The following KHDRBS2 variants were observed in gnomAD, a reference collection of about 807,000 sequenced individuals.
The protein encoded by KHDRBS2 is KH RNA binding domain containing, signal transduction associated 2, also known as KH domain-containing, RNA-binding, signal transduction-associated protein 2.
In KHDRBS2, 26 loss-of-function variants were observed where a neutral mutation model predicts 44.3. That is an observed-to-expected ratio of 0.59 (90% CI 0.43 to 0.81). The LOEUF is 0.81. Among genes scored for constraint, KHDRBS2 ranks in the 40% least tolerant of loss-of-function variants. The pLI is 0.00. For missense variants in KHDRBS2, 476 were observed against 433.1 expected (o/e 1.10, Z -0.88); for synonymous variants, 194 against 151.1 (o/e 1.28, Z -2.08).
At chr6:61,581,633 T>G in the KHDRBS2 span, among the ~76,000 whole-genome samples, 1 of 148,298 alleles carries the variant, frequency 6.7e-6, no homozygotes, top group Admixed American at 6.8e-5. Context: ...ATATACATTA[T>G]ATTTAAATAT....
At chr6:62,275,244 T>C (rs1840738079) in intron 1 of KHDRBS2, among the ~76,000 whole-genome samples, 1 of 152,188 alleles carries the variant, frequency 6.6e-6, no homozygotes, top group African/African-American at 2.4e-5. Flanking sequence ...TTTATCATAC[T>C]GAAGTCCATT....
intron 3 of KHDRBS2, among the ~76,000 whole-genome samples, chr6:61,984,230 G>A (rs535652643): frequency 6.6e-6 from 1 of 152,214 alleles, no homozygotes; most frequent in Admixed American, 6.5e-5. Context: ...GCTATACTAT[G>A]AAGTTAAAAA....
chr6:62,232,110 T>C (rs1832987346), intron 1 of KHDRBS2, among the ~76,000 whole-genome samples: 1 of 152,070 alleles, frequency 6.6e-6, no homozygotes, highest in Non-Finnish European at 1.5e-5. Flanking sequence ...TTGGGAAAAA[T>C]AATATTCTTA....
chr6:62,097,655 T>A (rs1025282909), intron 2 of KHDRBS2, among the ~76,000 whole-genome samples: 6 of 152,092 alleles, frequency 3.9e-5, no homozygotes, highest in African/African-American at 1.4e-4. Context: ...TATTTGGATC[T>A]TGTTTTTTCA....
At chr6:62,273,903 C>G (rs991296769) in intron 1 of KHDRBS2, among the ~76,000 whole-genome samples, 2 of 152,092 alleles carry the variant, frequency 1.3e-5, no homozygotes, top group Non-Finnish European at 2.9e-5. Context: ...TTCAGCCCCT[C>G]TATCCAACCC....
At chr6:61,778,890 G>T (rs9452029) in intron 6 of KHDRBS2, among the ~76,000 whole-genome samples, 4,608 of 152,230 alleles carry the variant, frequency 0.03, 248 homozygotes, top group African/African-American at 0.11. Context: ...TGCTTCTGTA[G>T]CCTTATCTTC....
chr6:61,880,790 T>C (rs1312816451), intron 6 of KHDRBS2, among the ~76,000 whole-genome samples: 1 of 151,942 alleles, frequency 6.6e-6, no homozygotes, highest in Non-Finnish European at 1.5e-5. Context: ...TTCTTACTTT[T>C]GGGTGAAGTC....
Position 62,193,383 on chromosome 6 carries a change from A to ATTTTGTTCTAT in KHDRBS2, c.92-16072_92-16071insATAGAACAAAA, listed in dbSNP as rs1159746658. Reference sequence around the variant, plus strand: ...ATTTTTGAAGTCAGACTAATCAAATATGTGTTCTAATTTTTATGGGCCTCA... The same window carrying ATTTTGTTCTAT: ...ATTTTTGAAGTCAGACTAATCAAATATTTTGTTCTATTGTGTTCTAATTTTTATGGGCCTCA... On this transcript the variant is annotated intron_variant, in intron 1 of 8. Transcript: ENST00000281156. Among the ~76,000 whole-genome samples, 10 of 152,180 alleles carry ATTTTGTTCTAT rather than the reference A, an allele frequency of 6.6e-5. No homozygotes were observed. In the East Asian group the frequency reaches 1.9e-3, roughly 29 times the overall value.
intron 7 of KHDRBS2, among the ~76,000 whole-genome samples, chr6:61,721,985 T>C (rs1299368186): frequency 6.7e-6 from 1 of 150,302 alleles, no homozygotes; most frequent in African/African-American, 2.5e-5. Flanking sequence ...GTTTTTAGCA[T>C]GAAGAGTTGT....
chr6:61,795,153 A>G (rs1785146235), intron 6 of KHDRBS2, among the ~76,000 whole-genome samples: 1 of 151,022 alleles, frequency 6.6e-6, no homozygotes, highest in African/African-American at 2.4e-5. Flanking sequence ...TCAAAAAAAA[A>G]AAAAAAAAAA....
intron 2 of KHDRBS2, among the ~76,000 whole-genome samples, chr6:62,065,274 C>T (rs1233494514): frequency 1.3e-5 from 2 of 152,094 alleles, no homozygotes; most frequent in Non-Finnish European, 1.5e-5. Context: ...CCAGCCATTC[C>T]ATTACTGGGT....
chr6:61,564,525 C>T, the KHDRBS2 span, among the ~76,000 whole-genome samples: 4 of 152,004 alleles, frequency 2.6e-5, no homozygotes, highest in African/African-American at 7.2e-5. Context: ...GAGTACCTCC[C>T]TCCTTTATAT....
At chr6:62,037,428 A>T (rs1785514477) in intron 3 of KHDRBS2, among the ~76,000 whole-genome samples, 1 of 152,068 alleles carries the variant, frequency 6.6e-6, no homozygotes, top group African/African-American at 2.4e-5. Flanking sequence ...ATTCTGAAAA[A>T]AAAATATTCT....
chr6:62,176,687 TATC>T (rs1471852866), intron 2 of KHDRBS2, among the ~76,000 whole-genome samples: 3 of 151,244 alleles, frequency 2.0e-5, no homozygotes, highest in African/African-American at 7.2e-5. Context: ...TTAAGAATGA[TATC>T]ATAATTATTT....
intron 6 of KHDRBS2, among the ~76,000 whole-genome samples, chr6:61,874,918 T>C (rs1799200170): frequency 1.3e-5 from 2 of 152,150 alleles, no homozygotes; most frequent in South Asian, 4.1e-4. Context: ...AGTCATTTAA[T>C]TGATTTTTTT....
chr6:61,565,415 A>T, the KHDRBS2 span, among the ~76,000 whole-genome samples: 1 of 152,150 alleles, frequency 6.6e-6, no homozygotes, highest in Non-Finnish European at 1.5e-5. Context: ...AGAAGTATTC[A>T]ACTGACAAGG....
chr6:61,550,669 A>G, the KHDRBS2 span, among the ~76,000 whole-genome samples: 2 of 151,836 alleles, frequency 1.3e-5, no homozygotes, highest in Non-Finnish European at 2.9e-5. Context: ...CATTCCCAAG[A>G]GCAGCATATA....
At chr6:61,811,537 A>G (rs1788119240) in intron 6 of KHDRBS2, among the ~76,000 whole-genome samples, 1 of 152,120 alleles carries the variant, frequency 6.6e-6, no homozygotes. Context: ...ACTGCTTTCC[A>G]CAGTGGCTGA....
chr6:62,102,358 G>C lies in KHDRBS2; in HGVS notation c.220-54364C>G, dbSNP rs73489283. Among the ~76,000 whole-genome samples the C allele has an allele frequency of 8.2e-3, 1,243 of 152,270 alleles. 16 individuals carry two copies. Among genetic ancestry groups the C allele is most frequent in the African/African-American group, 0.029 (1,203 of 41,556 alleles). On this transcript the variant is annotated intron_variant, in intron 2 of 8. Transcript: ENST00000281156. ...ATAGTTCCAGCTATGGCTGGACCAGGAGTACTGCAAGTGGCTTCCACTGCA... is the reference window on the plus strand; with the variant it reads ...ATAGTTCCAGCTATGGCTGGACCAGCAGTACTGCAAGTGGCTTCCACTGCA...
Sources: allele counts gnomAD v4.1 joint callset (sites outside exome capture counted in the v4.1 genomes callset), GRCh38; gene constraint gnomAD v4.1.1; transcripts MANE v1.5; gene names NCBI Gene and HGNC (gene_info 2026-07-23, HGNC 2026-07-21).